Variants in PLXNA3 observed in about 807,000 individuals in gnomAD.
PLXNA3 encodes the protein plexin-A3.
In PLXNA3, 52 loss-of-function variants were observed where a neutral mutation model predicts 118.8. That is an observed-to-expected ratio of 0.44 (90% CI 0.35 to 0.55). The LOEUF is 0.55. PLXNA3 is among the 20% of genes least tolerant of loss of function. The pLI is 0.01. For missense variants in PLXNA3, 1,660 were observed against 1,730.8 expected (o/e 0.96, Z 0.73); for synonymous variants, 925 against 762.4 (o/e 1.21, Z -3.51).
chrX:154,466,936 G>A (rs2069096222), intron 17 of PLXNA3, 121 bp from the exon 18 acceptor site: 2 of 852,443 alleles, frequency 2.3e-6, no homozygotes, highest in Admixed American at 2.7e-5. Context: ...CACAGTACCC[G>A]GCACCCACTA....
Position 154,472,668 on chromosome X carries a change from G to A in PLXNA3, c.5599G>A (p.Val1867Met), listed in dbSNP as rs202086459. The A allele has an allele frequency of 4.7e-5, 56 of 1,196,353 alleles. 1 individual carries two copies. In the East Asian group the frequency reaches 1.4e-3, roughly 29 times the overall value. The change falls in exon 33 of 33, where the codon GTG becomes ATG. Residue 1867 changes from valine to methionine, a missense_variant. By Grantham distance (21) the Val-to-Met change is conservative. Transcript: ENST00000369682. ...RQKLEQIISLVSSDS is the reference protein window; with the variant it reads ...RQKLEQIISLMSSDS ...GAAACTGGAACAGATCATCAGCCTC[G>A]TGTCCAGCGACAGCTAAGGTGGTGG...
chrX:154,465,640 G>GC lies in PLXNA3; in HGVS notation c.2342-15dup, dbSNP rs1444650361. On this transcript the variant is annotated splice_polypyrimidine_tract_variant and intron_variant, in intron 12 of 32. Transcript: ENST00000369682. ...TGCCACTGCCTGCTCCGTCAGCAGT[G>GC]CCTTCTGTGCCTGCAGCCCTCCTGT... 1 of 1,204,382 alleles carries GC rather than the reference G, an allele frequency of 8.3e-7. No individual in the cohort carries two copies. The highest frequency in any genetic ancestry group is 1.1e-6 in the Non-Finnish European group (1 of 890,002).
intron 30 of PLXNA3, 28 bp downstream of exon 30, chrX:154,470,639 G>A (rs782595625): frequency 2.5e-6 from 3 of 1,188,390 alleles, no homozygotes; most frequent in East Asian, 5.9e-5. Flanking sequence ...GCTGCCAGCA[G>A]CCTGTCTGGA....
Position 154,466,706 on chromosome X carries a change from G to A in PLXNA3, c.3020G>A (p.Arg1007Gln), listed in dbSNP as rs1016210300. The change falls in exon 17 of 33, where the codon CGG becomes CAG. Residue 1007 changes from arginine to glutamine, a missense_variant. Physicochemically the swap from Arg to Gln is conservative, Grantham distance 43 (BLOSUM62 1). Transcript: ENST00000369682. ...GCCCCCATCACACTTGCCATTGACC[G>A]GGCTAACATCTCCAGCCCCGGGCTC... is the stretch of plus-strand genomic sequence containing the variant. ...SQAPITLAID[R>Q]ANISSPGLIY... 7.5e-6 allele frequency: 9 copies of A among 1,198,700 alleles called. No homozygotes were observed. In the East Asian group the frequency reaches 9.0e-5, roughly 12 times the overall value.
chrX:154,465,009 TC>T lies in PLXNA3; in HGVS notation c.2044-5del. ...CCCTGTGTGCAGCTGACAGGTGCTT[TC>T]CCCGCAGGGCTGCCCTGAGATCCTG... On this transcript the variant is annotated splice_polypyrimidine_tract_variant and splice_region_variant and intron_variant, in intron 10 of 32. Coordinates refer to ENST00000369682, the MANE Select transcript of PLXNA3 (RefSeq NM_017514.5). 8.4e-7 allele frequency: 1 copy of T among 1,185,137 alleles called. No individual in the cohort carries two copies. Among genetic ancestry groups the T allele is most frequent in the Non-Finnish European group, 1.1e-6 (1 of 880,016 alleles).
chrX:154,470,732 C>A, intron 30 of PLXNA3, 121 bp downstream of exon 30: 1 of 692,444 alleles, frequency 1.4e-6, no homozygotes, highest in Non-Finnish European at 2.2e-6. Flanking sequence ...TGAGGCCTGG[C>A]CTGGGGTTGA....
chrX:154,468,890 T>C lies in PLXNA3; in HGVS notation c.4355T>C (p.Ile1452Thr), dbSNP rs782301673. Residue 1452 changes from isoleucine to threonine, a missense_variant, in exon 25 of 33, where the codon ATT (isoleucine) becomes ACT (threonine). This residue lies in a region of PLXNA3 where 869 missense variants were observed against 1,078.7 expected (regional missense o/e 0.81). Coordinates refer to ENST00000369682, the MANE Select transcript of PLXNA3 (RefSeq NM_017514.5). ...AAGCAGCAGATGGAGAAGGGCCCCATTGATGCCATCACGGGCGAGGCACGA... is the reference window on the plus strand; with the variant it reads ...AAGCAGCAGATGGAGAAGGGCCCCACTGATGCCATCACGGGCGAGGCACGA... ...AIKQQMEKGP[I>T]DAITGEARYS... 1.7e-6 allele frequency: 2 copies of C among 1,211,413 alleles called. No individual in the cohort carries two copies. The highest frequency in any genetic ancestry group is 2.2e-6 in the Non-Finnish European group (2 of 895,458).
In PLXNA3 at chrX:154,464,424, G is replaced by A. The variant is rs782621031; in HGVS notation, c.1851G>A (p.Leu617=). ...CAGGGGCCACCCGCACTGTGCGGCT[G>A]CAGCTTCTCTCCAAGGAGACAGGCG... is the stretch of plus-strand genomic sequence containing the variant. ...RGHGATRTVR[L]QLLSKETGVR... is the part of the protein sequence containing the mutation. The change falls in exon 9 of 33, where the codon CTG becomes CTA. Residue 617 remains leucine (L), a synonymous_variant. Transcript: ENST00000369682. 3.2e-5 allele frequency: 39 copies of A among 1,209,930 alleles called. No homozygotes were observed. Among genetic ancestry groups the A allele is most frequent in the Non-Finnish European group, 4.4e-5 (39 of 894,924 alleles).
rs1569554661 is a variant in PLXNA3 at position 154,469,084 on chromosome X, A to T, written c.4463A>T (p.Glu1488Val). 2.5e-6 allele frequency: 3 copies of T among 1,211,501 alleles called. No homozygotes were observed. The highest frequency in any genetic ancestry group is 1.7e-5 in the African/African-American group (1 of 57,958). ...CTTCACTGCGTGTGTCCGGAGAACG[A>T]GGGCAGCGCCCAGGTCCCAGTGAAG... Reference protein sequence around the residue: ...LTLHCVCPENEGSAQVPVKVL... With the variant: ...LTLHCVCPENVGSAQVPVKVL... The change falls in exon 26 of 33, where the codon GAG becomes GTG. Residue 1488 changes from glutamate to valine, a missense_variant. Glu to Val is a moderately radical substitution (Grantham distance 121). This residue lies in a region of PLXNA3 where 869 missense variants were observed against 1,078.7 expected (regional missense o/e 0.81). Transcript: ENST00000369682.
At chrX:154,462,009 G>C in intron 3 of PLXNA3, 119 bp from the exon 4 acceptor site, 1 of 596,702 alleles carries the variant, frequency 1.7e-6, no homozygotes, top group Non-Finnish European at 2.6e-6. Context: ...CGAGCAGTCA[G>C]TCCTGGCTGG....
intron 4 of PLXNA3, among the ~76,000 whole-genome samples, 156 bp downstream of exon 4, chrX:154,462,466 C>G (rs905408356): frequency 8.9e-6 from 1 of 111,979 alleles, no homozygotes; most frequent in African/African-American, 3.2e-5. Context: ...AGGCGCCTGG[C>G]CCTGCTCCTC....
rs782277635 is a variant in PLXNA3, at chrX:154,460,795, C to G, written c.594+18C>G. ...TCAGTCTCGTGCGTGAGCCTTCCTT[C>G]TCTTCTTCCTCCACCCAGTCCTGGC... On this transcript the variant is annotated intron_variant, in intron 2 of 32. Coordinates refer to ENST00000369682, the MANE Select transcript of PLXNA3 (RefSeq NM_017514.5). The G allele has an allele frequency of 3.8e-6, 4 of 1,040,718 alleles. No homozygotes were observed. In the South Asian group the frequency reaches 6.9e-5, roughly 18 times the overall value. The allele number at this position is 1,040,718 out of a possible 1,213,427, so 85.8% of individuals were successfully genotyped here. A position where few individuals can be genotyped will look rare whatever the true frequency, so the allele number is the denominator to read the frequency against.
chrX:154,467,428 C>T lies in PLXNA3; in HGVS notation c.3398C>T (p.Ser1133Phe), dbSNP rs2069105647. ...CCCAGCTTTGAGCCGCTGGGGCCCT[C>T]TGGCGTGCTGGACGTCAAACCGGGC... Reference protein sequence around the residue: ...PDPSFEPLGPSGVLDVKPGSH... With the variant: ...PDPSFEPLGPFGVLDVKPGSH... Residue 1133 changes from serine to phenylalanine, a missense_variant, in exon 19 of 33, where the codon TCT becomes TTT. Ser to Phe is a radical substitution (Grantham distance 155). This residue lies in a region of PLXNA3 where 869 missense variants were observed against 1,078.7 expected (regional missense o/e 0.81). Transcript: ENST00000369682. 10 of 1,171,877 alleles carry T rather than the reference C, an allele frequency of 8.5e-6. No individual in the cohort carries two copies. The highest frequency in any genetic ancestry group is 1.8e-5 in the African/African-American group (1 of 55,992).
rs1557208583 is a variant in PLXNA3 at position 154,469,369 on chromosome X, T to C, written c.4595-10T>C. The C allele has an allele frequency of 1.7e-6, 2 of 1,198,686 alleles. No individual in the cohort carries two copies. ...CCAGCATAATCTTAAGGGCTGTCTGTGGCCCACAGAGTGGCGCCAGGGCCG... is the reference window on the plus strand; with the variant it reads ...CCAGCATAATCTTAAGGGCTGTCTGCGGCCCACAGAGTGGCGCCAGGGCCG... On this transcript the variant is annotated splice_polypyrimidine_tract_variant and intron_variant, in intron 26 of 32. Transcript: ENST00000369682.
chrX:154,460,061 C>A, intron 1 of PLXNA3, 96 bp from the exon 2 acceptor site: 1 of 489,233 alleles, frequency 2.0e-6, no homozygotes, highest in Non-Finnish European at 3.5e-6. Flanking sequence ...CTCTCCCTGT[C>A]ACGGTGGCCA....
Position 154,461,332 on chromosome X carries a change from G to A in PLXNA3, c.828G>A (p.Val276=). The part of the protein sequence containing the change: ...CAGDSEFYSY[V]EFPIGCSWRG... ...GAGACTCAGAGTTCTACTCATACGT[G>A]GAATTCCCCATCGGCTGCTCCTGGC... The change falls in exon 3 of 33, where the codon GTG becomes GTA. Residue 276 remains valine (V), a synonymous_variant. Transcript: ENST00000369682. 1 of 1,212,378 alleles carries A rather than the reference G, an allele frequency of 8.2e-7. No individual in the cohort carries two copies. The highest frequency in any genetic ancestry group is 1.1e-6 in the Non-Finnish European group (1 of 895,621).
intron 1 of PLXNA3, among the ~76,000 whole-genome samples, chrX:154,458,902 T>G (rs1569553939): frequency 8.9e-6 from 1 of 111,879 alleles, no homozygotes; most frequent in Non-Finnish European, 1.9e-5. Flanking sequence ...CCTCCCGACC[T>G]GTCCCCAGCC....
Position 154,467,423 on chromosome X carries a change from G to A in PLXNA3, c.3393G>A (p.Gly1131=). The A allele has an allele frequency of 8.3e-7, 1 of 1,198,065 alleles. No homozygotes were observed. The highest frequency in any genetic ancestry group is 1.1e-6 in the Non-Finnish European group (1 of 892,947). The change falls in exon 19 of 33, where the codon GGG becomes GGA. Residue 1131 remains glycine (G), a synonymous_variant. Coordinates refer to ENST00000369682, the MANE Select transcript of PLXNA3 (RefSeq NM_017514.5). ...CTGATCCCAGCTTTGAGCCGCTGGG[G>A]CCCTCTGGCGTGCTGGACGTCAAAC... The part of the protein sequence containing the change: ...YYPDPSFEPL[G]PSGVLDVKPG...
At position 154,476,243 on chromosome X, in the gene PLXNA3, G is replaced by C. The variant is rs1239634017; in HGVS notation, c.*3558G>C. 1.8e-5 allele frequency: 2 copies of C among 111,170 alleles called. No individual in the cohort carries two copies. Among genetic ancestry groups the C allele is most frequent in the Non-Finnish European group, 3.8e-5 (2 of 52,988 alleles). 9.2% of individuals were successfully genotyped at this position (111,170 alleles called of 1,213,427 possible). A position where few individuals can be genotyped will look rare whatever the true frequency, so the allele number is the denominator to read the frequency against. On this transcript the variant is annotated 3_prime_UTR_variant, in exon 33 of 33. Transcript: ENST00000369682. ...AGGCTGAGGTGGGTGGACCACCTGA[G>C]GTCGGGAGTTCGAGACCAGCCTCAC...
Sources: allele counts gnomAD v4.1 joint callset (sites outside exome capture counted in the v4.1 genomes callset), GRCh38; gene constraint gnomAD v4.1.1; regional missense constraint gnomAD v4.1.1; transcripts MANE v1.5; gene names NCBI Gene and HGNC (gene_info 2026-07-23, HGNC 2026-07-21).